PLPPR5: variants seen among roughly 807,000 people sequenced by gnomAD.
The protein encoded by PLPPR5 is phospholipid phosphatase related 5.
In PLPPR5, 16 loss-of-function variants were observed where a neutral mutation model predicts 33.9. That is an observed-to-expected ratio of 0.47 (90% CI 0.32 to 0.72). The LOEUF is 0.72. PLPPR5 is among the 30% of genes least tolerant of loss of function. The pLI, the probability that PLPPR5 is intolerant of heterozygous loss-of-function variation, is 0.03. For synonymous variants in PLPPR5, 163 were observed against 150.3 expected, an observed-to-expected ratio of 1.08 and a Z score of -0.62; for missense variants, 301 against 406.7, an observed-to-expected ratio of 0.74 and a Z score of 2.23.
intron 1 of PLPPR5, among the ~76,000 whole-genome samples, chr1:98,997,632 T>G (rs1652677654): frequency 6.6e-6 from 1 of 152,222 alleles, no homozygotes; most frequent in Non-Finnish European, 1.5e-5. Flanking sequence ...TAATCTTTGC[T>G]ATTCTTTCTA....
chr1:98,953,089 T>A lies in PLPPR5; in HGVS notation c.602A>T (p.Tyr201Phe), dbSNP rs1650849062. 1.2e-6 allele frequency: 2 copies of A among 1,613,984 alleles called. No homozygotes were observed. The highest frequency in any genetic ancestry group is 1.7e-6 in the Non-Finnish European group (2 of 1,180,006). ...FPSKEAALSV[Y>F]AAMYLTMYIT... ...ACTTACGGTCAGATACATAGCTGCA[T>A]AGACACTGAGAGCTGCTTCTTTGGA... is the stretch of plus-strand genomic sequence containing the variant. Residue 201 changes from tyrosine (Y) to phenylalanine (F), a missense_variant, in exon 3 of 6, where the codon TAT becomes TTT. By Grantham distance (22) the Tyr-to-Phe change is conservative. Transcript: ENST00000263177.
In PLPPR5 at chr1:98,921,930, T is replaced by C. The variant is rs1174920255; in HGVS notation, c.750A>G (p.Ser250=). 2.5e-6 allele frequency: 4 copies of C among 1,613,982 alleles called. No homozygotes were observed. Among genetic ancestry groups the C allele is most frequent in the Admixed American group, 1.7e-5 (1 of 59,994 alleles). Residue 250 remains serine, a synonymous_variant, in exon 4 of 6, where the codon TCA becomes TCG. Transcript: ENST00000263177. ...NRVAEYRNHW[S]DVIAGFLVGI... ...CAACCAGAAAGCCTGCTATAACATC[T>C]GACCAATGATTTCGATATTCTGCTA...
At chr1:98,933,801 T>A (rs1650074680) in intron 3 of PLPPR5, among the ~76,000 whole-genome samples, 1 of 152,116 alleles carries the variant, frequency 6.6e-6, no homozygotes, top group African/African-American at 2.4e-5. Flanking sequence ...CTGATGCATG[T>A]AGTGATGTGA....
chr1:98,949,050 C>G lies in PLPPR5; in HGVS notation c.621+4020G>C, dbSNP rs565320887. Among the ~76,000 whole-genome samples the G allele has an allele frequency of 4.9e-4, 74 of 152,194 alleles. 3 individuals carry two copies. The South Asian group carries it at 0.012, about 24-fold the overall frequency. ...ATTTATATGAGGTTAACTGGAAATT[C>G]ACCAAACATAATTATTCATTCTCAA... On this transcript the variant is annotated intron_variant, in intron 3 of 5. Coordinates refer to ENST00000263177, the MANE Select transcript of PLPPR5 (RefSeq NM_001037317.2).
rs1245505746 is a variant in PLPPR5, at chr1:98,914,842, G to A, written c.877C>T (p.Pro293Ser). 1 of 1,612,904 alleles carries A rather than the reference G, an allele frequency of 6.2e-7. No individual in the cohort carries two copies. Residue 293 changes from proline to serine, a missense_variant, in exon 5 of 6, where the codon CCA becomes TCA. Pro to Ser is a moderately conservative substitution (Grantham distance 74). Transcript: ENST00000263177. ...TCTACTCGAGGAATGCTGATCATTG[G>A]CATCTGTGCCAGATTATCCATGTGT... ...HIHMDNLAQM[P>S]MISIPRVESP...
At chr1:98,968,269 C>T (rs960533435) in intron 1 of PLPPR5, among the ~76,000 whole-genome samples, 15 of 152,038 alleles carry the variant, frequency 9.9e-5, no homozygotes, top group African/African-American at 3.6e-4. Flanking sequence ...CACAGATCTA[C>T]TGTTGGCCAG....
intron 3 of PLPPR5, among the ~76,000 whole-genome samples, chr1:98,940,708 A>G (rs1650340295): frequency 1.3e-5 from 2 of 151,912 alleles, no homozygotes; most frequent in Non-Finnish European, 2.9e-5. Flanking sequence ...TGATCCTGCA[A>G]TAGTCAAGGC....
chr1:98,989,438 C>G (rs1376441765), intron 1 of PLPPR5, among the ~76,000 whole-genome samples: 1 of 152,088 alleles, frequency 6.6e-6, no homozygotes, highest in Admixed American at 6.6e-5. Context: ...CATGAGGACA[C>G]TGTAACCCAC....
chr1:98,901,285 A>G (rs1422078049), intron 5 of PLPPR5, among the ~76,000 whole-genome samples: 1 of 152,154 alleles, frequency 6.6e-6, no homozygotes, highest in African/African-American at 2.4e-5. Flanking sequence ...GGTTTCTCGA[A>G]GTTGGAGATT....
At chr1:99,005,628 A>C (rs371466734), upstream of PLPPR5, among the ~76,000 whole-genome samples, 110 of 152,212 alleles carry the variant, frequency 7.2e-4, no homozygotes, top group South Asian at 0.022. Context: ...GAGGCATTGC[A>C]GATTCCAGGC....
chr1:98,940,213 G>T (rs904354692), intron 3 of PLPPR5, among the ~76,000 whole-genome samples: 5 of 151,816 alleles, frequency 3.3e-5, no homozygotes, highest in African/African-American at 9.7e-5. Flanking sequence ...CAAGATGAGG[G>T]TGCTGGCATA....
intron 3 of PLPPR5, among the ~76,000 whole-genome samples, chr1:98,925,530 G>T (rs1649718941): frequency 6.6e-6 from 1 of 152,014 alleles, no homozygotes; most frequent in African/African-American, 2.4e-5. Flanking sequence ...ATATAAAAAG[G>T]TTTTGCTTAC....
intron 1 of PLPPR5, among the ~76,000 whole-genome samples, chr1:98,994,010 A>G (rs1047082819): frequency 6.6e-6 from 1 of 152,118 alleles, no homozygotes; most frequent in African/African-American, 2.4e-5. Flanking sequence ...CTATAATTTC[A>G]TAAGTATTTT....
intron 3 of PLPPR5, among the ~76,000 whole-genome samples, chr1:98,937,439 T>G (rs1325559372): frequency 6.6e-6 from 1 of 152,208 alleles, no homozygotes; most frequent in Non-Finnish European, 1.5e-5. Context: ...GATGTGACAC[T>G]ATGAGCTCAT....
intron 5 of PLPPR5, among the ~76,000 whole-genome samples, chr1:98,895,263 C>T (rs12086680): frequency 0.04 from 6,050 of 152,078 alleles, 428 homozygotes; most frequent in African/African-American, 0.14. Context: ...CCTTCTCTCT[C>T]GTTCCCTCTT....
At chr1:98,947,109 A>G (rs1461270418) in intron 3 of PLPPR5, among the ~76,000 whole-genome samples, 1 of 152,198 alleles carries the variant, frequency 6.6e-6, no homozygotes, top group Admixed American at 6.5e-5. Context: ...TGCTAACATA[A>G]GAAACCCCAG....
intron 1 of PLPPR5, among the ~76,000 whole-genome samples, chr1:98,981,105 A>T (rs1266200418): frequency 6.6e-6 from 1 of 152,072 alleles, no homozygotes; most frequent in Non-Finnish European, 1.5e-5. Flanking sequence ...AACCAATATT[A>T]TATTTTTTCT....
intron 1 of PLPPR5, among the ~76,000 whole-genome samples, chr1:98,969,168 C>T (rs1651558493): frequency 6.6e-6 from 1 of 151,374 alleles, no homozygotes; most frequent in Admixed American, 6.6e-5. Context: ...ATCTCAGAAA[C>T]ACTACAGGGA....
chr1:98,990,324 G>A (rs1000582432), intron 1 of PLPPR5, among the ~76,000 whole-genome samples: 2 of 152,070 alleles, frequency 1.3e-5, no homozygotes, highest in South Asian at 2.1e-4. Context: ...AGCTGAGATC[G>A]CGCCACTATA....
Sources: gnomAD v4.1 joint callset for allele counts (sites outside exome capture counted in the v4.1 genomes callset) on GRCh38, gnomAD v4.1.1 for gene constraint, MANE v1.5 for transcripts, NCBI Gene and HGNC (gene_info 2026-07-23, HGNC 2026-07-21) for gene names.